Variants in PLA2G5 observed in about 807,000 individuals in gnomAD.
The protein encoded by PLA2G5 is Ca2+-dependent phospholipase A2.
PLA2G5 carries 12 observed loss-of-function variants against 15.9 expected under a neutral mutation model. That is an observed-to-expected ratio of 0.76 (90% CI 0.48 to 1.23). The LOEUF (loss-of-function observed/expected upper bound fraction) is 1.23. PLA2G5 is among the 50% of genes most tolerant of loss of function. PLA2G5 has a pLI of 0.00. For synonymous variants in PLA2G5, 71 were observed against 71.4 expected (o/e 0.99, Z 0.03); for missense variants, 169 against 177.1 (o/e 0.95, Z 0.26).
At position 20,052,754 on chromosome 1, in the gene PLA2G5, A is replaced by G. The variant is rs541538795; in HGVS notation, n.277-6878A>G. ...AAGGAAAGTAAATCTTGTGGCCCCCAAATCACTAAGCTAAAGGGAAAAGTC... is the reference window on the plus strand; with the variant it reads ...AAGGAAAGTAAATCTTGTGGCCCCCGAATCACTAAGCTAAAGGGAAAAGTC... On this transcript the variant is annotated intron_variant and non_coding_transcript_variant, in intron 1 of 6. Coordinates refer to the PLA2G5 transcript ENST00000460175. Among the ~76,000 whole-genome samples, 3 of 152,310 alleles carry G rather than the reference A, an allele frequency of 2.0e-5. No individual in the cohort carries two copies. In the South Asian group the frequency reaches 6.2e-4, roughly 32 times the overall value.
intron 2 of PLA2G5, among the ~76,000 whole-genome samples, chr1:20,085,742 T>C (rs1296019689): frequency 6.6e-6 from 1 of 152,176 alleles, no homozygotes; most frequent in African/African-American, 2.4e-5. Flanking sequence ...ACATAGTTGA[T>C]CTTATTTTAA....
chr1:20,040,939 G>A (rs1025701343), intron 1 of PLA2G5, among the ~76,000 whole-genome samples: 16 of 152,278 alleles, frequency 1.1e-4, no homozygotes, highest in African/African-American at 3.4e-4. Flanking sequence ...TTTCTGGACC[G>A]AGCCAGTGTT....
At position 20,037,301 on chromosome 1, in the gene PLA2G5, G is replaced by A. The variant is rs544118625; in HGVS notation, n.276+8592G>A. Among the ~76,000 whole-genome samples the A allele has an allele frequency of 9.9e-5, 15 of 152,272 alleles. No homozygotes were observed. The South Asian group carries it at 1.9e-3, about 19-fold the overall frequency. The stretch of plus-strand genomic sequence containing the variant: ...TTTAGGGATGGGGCTTCCTGACAGC[G>A]GGACTACAGTGATCATTATTGTTCT... On this transcript the variant is annotated intron_variant and non_coding_transcript_variant, in intron 1 of 6. Transcript: ENST00000460175.
intron 1 of PLA2G5, among the ~76,000 whole-genome samples, chr1:20,059,362 T>A (rs1024633644): frequency 3.3e-5 from 5 of 151,710 alleles, no homozygotes; most frequent in Non-Finnish European, 7.4e-5. Flanking sequence ...TAGGACATCA[T>A]GGCTGCAGTG....
chr1:20,085,941 C>T (rs1390101712), intron 2 of PLA2G5, 142 bp from the exon 3 acceptor site: 5 of 742,460 alleles, frequency 6.7e-6, no homozygotes, highest in African/African-American at 1.8e-5. Flanking sequence ...CACCTCCCTT[C>T]CCACTAATGG....
At chr1:20,064,296 G>A (rs979248230) in intron 2 of PLA2G5, among the ~76,000 whole-genome samples, 2 of 152,150 alleles carry the variant, frequency 1.3e-5, no homozygotes, top group African/African-American at 2.4e-5. Context: ...AATACAGACC[G>A]GGTGTGGTGG....
chr1:20,090,885 T>C lies in PLA2G5; in HGVS notation c.*193T>C, dbSNP rs2016536858. ...GGAGAGTGACTCTGGTCATAGGACT[T>C]GGTAGGGTCCCAGGGTCCCTAGGCC... On this transcript the variant is annotated 3_prime_UTR_variant, in exon 5 of 5. Transcript: ENST00000375108. The C allele has an allele frequency of 1.7e-6, 1 of 584,502 alleles. No homozygotes were observed. The highest frequency in any genetic ancestry group is 2.9e-5 in the East Asian group (1 of 34,066). 36.2% of individuals were successfully genotyped at this position (584,502 alleles called of 1,614,324 possible). A position where few individuals can be genotyped will look rare whatever the true frequency, so the allele number is the denominator to read the frequency against.
intron 1 of PLA2G5, among the ~76,000 whole-genome samples, chr1:20,048,754 A>G (rs916514268): frequency 1.3e-5 from 2 of 152,222 alleles, no homozygotes; most frequent in South Asian, 2.1e-4. Context: ...TGGTGGTTCC[A>G]TAAGTTTAAA....
intron 1 of PLA2G5, among the ~76,000 whole-genome samples, chr1:20,078,351 A>G (rs1238629075): frequency 2.7e-5 from 4 of 148,104 alleles, no homozygotes; most frequent in South Asian, 4.2e-4. Flanking sequence ...TTGTCCCTAG[A>G]GGCAAGGGAT....
chr1:20,037,043 C>A (rs1378256012), intron 1 of PLA2G5, among the ~76,000 whole-genome samples: 3 of 152,174 alleles, frequency 2.0e-5, no homozygotes, highest in African/African-American at 7.2e-5. Flanking sequence ...CTTCTGAATT[C>A]TTTCTCTGGC....
At chr1:20,080,929 C>CCCCCAT (rs879625200) in intron 1 of PLA2G5, among the ~76,000 whole-genome samples, 1 of 151,986 alleles carries the variant, frequency 6.6e-6, no homozygotes, top group Non-Finnish European at 1.5e-5. Context: ...GAGGAGTGAA[C>CCCCCAT]CCCCATCACC....
chr1:20,080,312 G>C (rs2015937523), intron 1 of PLA2G5, among the ~76,000 whole-genome samples: 1 of 152,152 alleles, frequency 6.6e-6, no homozygotes, highest in Admixed American at 6.5e-5. Flanking sequence ...GAAAACAGCT[G>C]CTTCTGTGGC....
intron 1 of PLA2G5, among the ~76,000 whole-genome samples, chr1:20,034,287 A>G (rs1287865522): frequency 1.3e-5 from 2 of 152,192 alleles, no homozygotes; most frequent in East Asian, 3.9e-4. Context: ...AGTCCATATT[A>G]GTTGGGTGGA....
At chr1:20,055,042 T>TA (rs1221667840) in intron 1 of PLA2G5, among the ~76,000 whole-genome samples, 10 of 152,292 alleles carry the variant, frequency 6.6e-5, no homozygotes, top group Middle Eastern at 3.4e-3. Context: ...GAAATCCTAA[T>TA]AAAAAAATCA....
Position 20,090,671 on chromosome 1 carries a change from T to A in PLA2G5, c.396T>A (p.Phe132Leu), listed in dbSNP as rs2016525944. The change falls in exon 5 of 5, where the codon TTT (phenylalanine) becomes TTA (leucine). Residue 132 changes from phenylalanine to leucine, a missense_variant. By Grantham distance (22) the Phe-to-Leu change is conservative. Transcript: ENST00000375108. ...LRSYNPQYQY[F>L]PNILCS ...GCTACAACCCACAGTACCAATACTT[T>A]CCCAACATCCTCTGCTCCTAGGCCT... The A allele has an allele frequency of 6.2e-7, 1 of 1,613,992 alleles. No individual in the cohort carries two copies. The highest frequency in any genetic ancestry group is 8.5e-7 in the Non-Finnish European group (1 of 1,179,998).
At chr1:20,078,518 T>A (rs1351034067) in intron 1 of PLA2G5, among the ~76,000 whole-genome samples, 1 of 152,070 alleles carries the variant, frequency 6.6e-6, no homozygotes, top group Admixed American at 6.5e-5. Context: ...CCAGACACCA[T>A]CTGTGTTTAC....
intron 1 of PLA2G5, among the ~76,000 whole-genome samples, chr1:20,045,777 A>G (rs749067555): frequency 6.6e-6 from 1 of 152,208 alleles, no homozygotes; most frequent in Non-Finnish European, 1.5e-5. Flanking sequence ...AAGTCTGAGC[A>G]CTAAATGTCA....
rs191693833 is a variant in PLA2G5, at chr1:20,081,245, C to T, written c.-10-3576C>T. Among the ~76,000 whole-genome samples, 8 of 151,982 alleles carry T rather than the reference C, an allele frequency of 5.3e-5. No individual in the cohort carries two copies. In the East Asian group the frequency reaches 5.8e-4, roughly 11 times the overall value. ...AGCTGAGTCCACATCCTCCTCCTGG[C>T]GCCCGCTTTGGGCTCTGCTGAGTGG... On this transcript the variant is annotated intron_variant, in intron 1 of 4. Coordinates refer to ENST00000375108, the MANE Select transcript of PLA2G5 (RefSeq NM_000929.3).
In PLA2G5 at chr1:20,090,723, AC is replaced by A. The variant is rs2016529892; in HGVS notation, c.*32del. 1 of 1,612,372 alleles carries A rather than the reference AC, an allele frequency of 6.2e-7. No homozygotes were observed. Among genetic ancestry groups the A allele is most frequent in the South Asian group, 1.1e-5 (1 of 91,002 alleles). On this transcript the variant is annotated 3_prime_UTR_variant, in exon 5 of 5. Coordinates refer to ENST00000375108, the MANE Select transcript of PLA2G5 (RefSeq NM_000929.3). ...CCCAGCGAGCTCCTCCCAGACCAAG[AC>A]TTTTGTTCTGTTTTTCTACAACACA...
Sources: allele counts gnomAD v4.1 joint callset (sites outside exome capture counted in the v4.1 genomes callset), GRCh38; gene constraint gnomAD v4.1.1; transcripts MANE v1.5; gene names NCBI Gene and HGNC (gene_info 2026-07-23, HGNC 2026-07-21).